TTC28: variants seen among roughly 807,000 people sequenced by gnomAD.
The protein encoded by TTC28 is tetratricopeptide repeat protein 28.
TTC28 carries 61 observed loss-of-function variants against 198.0 expected under a neutral mutation model. That is an observed-to-expected ratio of 0.31 (90% CI 0.25 to 0.38). TTC28 has a LOEUF of 0.38. TTC28 is among the 10% of genes least tolerant of loss of function. The pLI is 1.00. For missense variants in TTC28, 2,678 were observed against 3,164.0 expected, an observed-to-expected ratio of 0.85 and a Z score of 3.69; for synonymous variants, 1,171 against 1,297.8, an observed-to-expected ratio of 0.90 and a Z score of 2.10.
At chr22:28,185,044 G>A (rs1367152072) in intron 5 of TTC28, among the ~76,000 whole-genome samples, 1 of 152,162 alleles carries the variant, frequency 6.6e-6, no homozygotes, top group Non-Finnish European at 1.5e-5. Context: ...CTTTAGGTCT[G>A]CGTAAGGATA....
At chr22:28,393,479 C>T (rs1455711356) in intron 2 of TTC28, among the ~76,000 whole-genome samples, 3 of 151,980 alleles carry the variant, frequency 2.0e-5, no homozygotes, top group Non-Finnish European at 2.9e-5. Flanking sequence ...AATGCTTGAG[C>T]GCAGGAGTTC....
intron 12 of TTC28, among the ~76,000 whole-genome samples, chr22:28,052,004 C>T (rs922708790): frequency 1.9e-4 from 29 of 151,900 alleles, no homozygotes. Flanking sequence ...AAATCCAAGG[C>T]ACAGACAAAA....
chr22:28,660,613 T>C (rs2051727700), intron 1 of TTC28, among the ~76,000 whole-genome samples: 1 of 151,682 alleles, frequency 6.6e-6, no homozygotes, highest in African/African-American at 2.4e-5. Context: ...AACCTCCACC[T>C]CCTGGTTTCA....
intron 2 of TTC28, among the ~76,000 whole-genome samples, chr22:28,391,589 A>G (rs200656699): frequency 6.6e-6 from 1 of 151,506 alleles, no homozygotes; most frequent in Non-Finnish European, 1.5e-5. Flanking sequence ...CATTTCATTC[A>G]CTTCATCTTC....
chr22:28,406,323 C>G (rs766690227), intron 2 of TTC28, among the ~76,000 whole-genome samples: 7 of 152,194 alleles, frequency 4.6e-5, no homozygotes, highest in Admixed American at 6.5e-5. Flanking sequence ...ATCTTATTAA[C>G]GAGACTAGAA....
intron 2 of TTC28, among the ~76,000 whole-genome samples, chr22:28,601,199 T>C (rs998749297): frequency 2.0e-5 from 3 of 152,198 alleles, no homozygotes; most frequent in Non-Finnish European, 4.4e-5. Flanking sequence ...TATGCAAATC[T>C]ATATCAGCTG....
intron 5 of TTC28, among the ~76,000 whole-genome samples, chr22:28,182,659 A>C (rs1923810745): frequency 6.6e-6 from 1 of 152,210 alleles, no homozygotes; most frequent in Admixed American, 6.5e-5. Flanking sequence ...GTAGCTCCTA[A>C]TATAGGCTAA....
intron 2 of TTC28, among the ~76,000 whole-genome samples, chr22:28,577,765 C>G (rs150711388): frequency 1.0e-3 from 152 of 152,124 alleles, no homozygotes; most frequent in African/African-American, 3.6e-3. Flanking sequence ...TCTACTTTGT[C>G]TGATATAAAT....
intron 5 of TTC28, among the ~76,000 whole-genome samples, chr22:28,282,452 G>A (rs934582891): frequency 1.3e-5 from 2 of 152,122 alleles, no homozygotes; most frequent in East Asian, 1.9e-4. Flanking sequence ...CTGTGCTGTC[G>A]AATATGGCCA....
chr22:28,474,655 C>T (rs1386978942), intron 2 of TTC28, among the ~76,000 whole-genome samples: 2 of 152,184 alleles, frequency 1.3e-5, no homozygotes, highest in East Asian at 3.8e-4. Context: ...CTGACTACAT[C>T]TAAGGTAGAA....
chr22:28,313,224 C>G (rs539099568), intron 2 of TTC28, among the ~76,000 whole-genome samples: 2 of 152,138 alleles, frequency 1.3e-5, no homozygotes, highest in Non-Finnish European at 2.9e-5. Flanking sequence ...TAACTAATAG[C>G]CTACCAAACA....
At chr22:28,255,621 C>T (rs1366620689) in intron 5 of TTC28, among the ~76,000 whole-genome samples, 9 of 149,716 alleles carry the variant, frequency 6.0e-5, no homozygotes, top group Non-Finnish European at 1.2e-4. Context: ...GCAGAGATTG[C>T]GGTGAGCTGA....
At chr22:28,123,365 C>T (rs1322304466) in intron 6 of TTC28, among the ~76,000 whole-genome samples, 1 of 152,090 alleles carries the variant, frequency 6.6e-6, no homozygotes, top group East Asian at 1.9e-4. Context: ...AAGTGATTCT[C>T]CTGCCTCAGC....
intron 12 of TTC28, among the ~76,000 whole-genome samples, chr22:28,032,267 A>ATATATAAAATATATATATATATATAGTGT (rs1226631612): frequency 1.3e-5 from 1 of 78,722 alleles, no homozygotes; most frequent in Non-Finnish European, 2.3e-5. Context: ...ATATATATAT[A>ATATATAAAATATATATATATATATAGTGT]GTGTGTGTGT....
chr22:28,530,745 G>A (rs1296823842), intron 2 of TTC28, among the ~76,000 whole-genome samples: 1 of 152,088 alleles, frequency 6.6e-6, no homozygotes, highest in African/African-American at 2.4e-5. Context: ...AGAGAGTGGG[G>A]GCCAATATTC....
Position 27,983,802 on chromosome 22 carries a change from G to A in TTC28, c.5865C>T (p.Leu1955=), listed in dbSNP as rs540822809. 91 of 1,551,700 alleles carry A rather than the reference G, an allele frequency of 5.9e-5. No individual in the cohort carries two copies. Among genetic ancestry groups the A allele is most frequent in the South Asian group, 4.9e-4 (41 of 84,056 alleles). Residue 1955 remains leucine (L), a synonymous_variant, in exon 23 of 23, where the codon CTC becomes CTT. Coordinates refer to ENST00000397906, the MANE Select transcript of TTC28 (RefSeq NM_001145418.2). ...KRLSLDSSSS[L]ESLASAQSVS... is the part of the protein sequence containing the mutation. ...CAGACTGAGCAGAAGCAAGAGACTC[G>A]AGGGAGGAGGAGCTGTCAAGGCTGA...
At position 27,998,729 on chromosome 22, in the gene TTC28, C is replaced by A. The variant is rs1413462205; in HGVS notation, c.4930G>T (p.Ala1644Ser). The change falls in exon 16 of 23, where the codon GCC becomes TCC. Residue 1644 changes from alanine (A) to serine (S), a missense_variant. Coordinates refer to ENST00000397906, the MANE Select transcript of TTC28 (RefSeq NM_001145418.2). The stretch of plus-strand genomic sequence containing the variant: ...CACTGAGCGCCGGCAGCCAGGAAGG[C>A]CCTTGTCAGCGCGATGACCCCGTCG... ...TADGVIALTR[A>S]FLAAGAQCVL... is the part of the protein sequence containing the mutation. 1 of 1,550,748 alleles carries A rather than the reference C, an allele frequency of 6.4e-7. No individual in the cohort carries two copies. Among genetic ancestry groups the A allele is most frequent in the African/African-American group, 1.4e-5 (1 of 73,064 alleles).
chr22:27,993,042 C>T (rs919449153), intron 18 of TTC28: 10 of 572,442 alleles, frequency 1.7e-5, no homozygotes, highest in African/African-American at 7.5e-5. Context: ...CCCATCATCC[C>T]GGGAAGGGGC....
chr22:28,230,830 T>C (rs1253956209), intron 5 of TTC28, among the ~76,000 whole-genome samples: 1 of 152,182 alleles, frequency 6.6e-6, no homozygotes, highest in Non-Finnish European at 1.5e-5. Context: ...ATTTTAATCC[T>C]CCTCAGCCAA....
Sources: allele counts gnomAD v4.1 joint callset (sites outside exome capture counted in the v4.1 genomes callset), GRCh38; gene constraint gnomAD v4.1.1; transcripts MANE v1.5; gene names NCBI Gene and HGNC (gene_info 2026-07-23, HGNC 2026-07-21).